The following PMFBP1 variants were observed in gnomAD, a reference collection of about 807,000 sequenced individuals.
The protein encoded by PMFBP1 is polyamine-modulated factor 1-binding protein 1.
In PMFBP1, 131 loss-of-function variants were observed where a neutral mutation model predicts 137.8. The ratio of observed to expected loss-of-function variants is 0.95; its 90% confidence interval spans 0.82 to 1.10. The LOEUF (loss-of-function observed/expected upper bound fraction) is 1.10. Ranked by LOEUF, PMFBP1 falls within the 50% of genes least tolerant of loss-of-function variation. PMFBP1 has a pLI of 0.00. For synonymous variants in PMFBP1, 490 were observed against 450.4 expected (o/e 1.09, Z -1.11); for missense variants, 1,199 against 1,175.4 (o/e 1.02, Z -0.29).
chr16:72,136,716 T>C lies in PMFBP1; in HGVS notation c.1022A>G (p.Glu341Gly). 1.9e-6 allele frequency: 3 copies of C among 1,614,058 alleles called. No individual in the cohort carries two copies. Among genetic ancestry groups the C allele is most frequent in the Non-Finnish European group, 2.5e-6 (3 of 1,180,014 alleles). ...ACCCTTCATGATGTTTCTCTTCTGT[T>C]CCGACACGGCCTCTAGTTCCACGCG... Reference protein sequence around the residue: ...DLRVELEAVSEQKRNIMKDMM... With the variant: ...DLRVELEAVSGQKRNIMKDMM... The change falls in exon 8 of 21, where the codon GAA (glutamate) becomes GGA (glycine). Residue 341 changes from glutamate (E) to glycine (G), a missense_variant. Physicochemically the swap from Glu to Gly is moderately conservative, Grantham distance 98 (BLOSUM62 -2). Coordinates refer to ENST00000237353, the MANE Select transcript of PMFBP1 (RefSeq NM_031293.3).
chr16:72,171,845 T>G (rs1438898901), intron 1 of PMFBP1: 1 of 152,286 alleles, frequency 6.6e-6, no homozygotes, highest in Non-Finnish European at 1.5e-5. Flanking sequence ...CTTGCCATAA[T>G]GTTGATGCTC....
chr16:72,153,225 A>C (rs980792523), intron 4 of PMFBP1, among the ~76,000 whole-genome samples: 17 of 152,298 alleles, frequency 1.1e-4, no homozygotes, highest in Admixed American at 1.0e-3. Flanking sequence ...TATTTGTAGG[A>C]TTAGAATAAC....
chr16:72,152,264 G>T (rs989951120), intron 4 of PMFBP1, among the ~76,000 whole-genome samples: 2 of 152,006 alleles, frequency 1.3e-5, no homozygotes, highest in Admixed American at 6.5e-5. Context: ...ATGCTTTCTC[G>T]GTTTGGGATC....
chr16:72,167,226 C>T (rs2043158301), intron 2 of PMFBP1, among the ~76,000 whole-genome samples: 1 of 152,190 alleles, frequency 6.6e-6, no homozygotes, highest in African/African-American at 2.4e-5. Flanking sequence ...ATTCAGAATT[C>T]AGAAGGTTTC....
chr16:72,171,454 G>A (rs768333756), intron 1 of PMFBP1, 186 bp from the exon 2 acceptor site: 11 of 495,094 alleles, frequency 2.2e-5, no homozygotes, highest in Admixed American at 1.0e-4. Context: ...CAGATGGCAG[G>A]ACCATGGTTT....
At chr16:72,153,331 C>G (rs1212561589) in intron 4 of PMFBP1, among the ~76,000 whole-genome samples, 1 of 152,170 alleles carries the variant, frequency 6.6e-6, no homozygotes, top group Non-Finnish European at 1.5e-5. Context: ...TAAGGTCCTA[C>G]CTAAAGTCCT....
At position 72,129,225 on chromosome 16, in the gene PMFBP1, C is replaced by T. The variant is rs758936814; in HGVS notation, c.1791G>A (p.Glu597=). The T allele has an allele frequency of 1.2e-5, 20 of 1,611,138 alleles. No homozygotes were observed. The South Asian group carries it at 1.9e-4, about 15-fold the overall frequency. Residue 597 remains glutamate, a synonymous_variant, in exon 13 of 21, where the codon GAG becomes GAA. Coordinates refer to ENST00000237353, the MANE Select transcript of PMFBP1 (RefSeq NM_031293.3). The part of the protein sequence containing the change: ...MLDRIKHQHR[E]QGSIKCKLEE... ...CTAACTTGCATTTGATGGAGCCTTG[C>T]TCCCTGTGCTGAAAAAATAAAGACT...
upstream of PMFBP1, among the ~76,000 whole-genome samples, chr16:72,176,306 G>A (rs181336715): frequency 7.9e-4 from 121 of 152,290 alleles, no homozygotes; most frequent in Middle Eastern, 3.4e-3. Context: ...AGGTGAAAAT[G>A]TCTCCCCCTG....
the PMFBP1 span, among the ~76,000 whole-genome samples, chr16:72,235,449 G>A: frequency 6.6e-6 from 1 of 150,778 alleles, no homozygotes; most frequent in African/African-American, 2.4e-5. Context: ...ATAAGAAAGT[G>A]AGAGGTCTCT....
intron 11 of PMFBP1, 59 bp from the exon 12 acceptor site, chr16:72,130,416 G>A: frequency 6.8e-6 from 11 of 1,610,636 alleles, no homozygotes; most frequent in Non-Finnish European, 9.3e-6. Context: ...GGCAGATTGT[G>A]GAGCTGACCC....
intron 3 of PMFBP1, among the ~76,000 whole-genome samples, chr16:72,158,920 T>C (rs899448478): frequency 2.0e-5 from 3 of 152,160 alleles, no homozygotes; most frequent in African/African-American, 7.2e-5. Context: ...ACTTGAGCCC[T>C]GGAGTTTGAA....
chr16:72,135,740 G>GT (rs869189990), intron 9 of PMFBP1, among the ~76,000 whole-genome samples: 9,325 of 67,084 alleles, frequency 0.14, 1,288 homozygotes, highest in East Asian at 0.26. Context: ...TAATTTTTCT[G>GT]TTTTTTTTTT....
rs751011258 is a variant in PMFBP1, at chr16:72,128,716, C to T, written c.2029G>A (p.Glu677Lys). ...AELQCCSTQL[E>K]SSLNKYNTSQ... is the part of the protein sequence containing the mutation. ...GTGTTGTATTTGTTGAGAGAGGATT[C>T]CAGTTGTGTAGAACAACACTGTAGC... is the stretch of plus-strand genomic sequence containing the variant. Residue 677 changes from glutamate (E) to lysine (K), a missense_variant, in exon 14 of 21, where the codon GAA (glutamate) becomes AAA (lysine). Coordinates refer to ENST00000237353, the MANE Select transcript of PMFBP1 (RefSeq NM_031293.3). 1 of 1,614,132 alleles carries T rather than the reference C, an allele frequency of 6.2e-7. No individual in the cohort carries two copies. The highest frequency in any genetic ancestry group is 8.5e-7 in the Non-Finnish European group (1 of 1,180,026).
At chr16:72,238,593 C>T in the PMFBP1 span, among the ~76,000 whole-genome samples, 1 of 152,088 alleles carries the variant, frequency 6.6e-6, no homozygotes, top group African/African-American at 2.4e-5. Flanking sequence ...TCCCTTTAGA[C>T]TTAATTATAT....
chr16:72,143,949 G>T (rs1034843575), intron 5 of PMFBP1, among the ~76,000 whole-genome samples: 12 of 151,844 alleles, frequency 7.9e-5, no homozygotes, highest in Admixed American at 3.3e-4. Context: ...GCTGAGGCAG[G>T]AGAATCGCTT....
the PMFBP1 span, among the ~76,000 whole-genome samples, chr16:72,196,706 G>A: frequency 2.6e-5 from 4 of 152,278 alleles, no homozygotes; most frequent in Admixed American, 6.5e-5. Flanking sequence ...GAATTCATCC[G>A]TGCCTCCACT....
chr16:72,193,726 A>G, the PMFBP1 span, among the ~76,000 whole-genome samples: 2 of 35,076 alleles, frequency 5.7e-5, no homozygotes, highest in Non-Finnish European at 1.2e-4. Context: ...TCAGTGAGGA[A>G]AAAAAAAAAA....
the PMFBP1 span, among the ~76,000 whole-genome samples, chr16:72,241,196 G>A: frequency 4.6e-5 from 7 of 152,064 alleles, no homozygotes; most frequent in East Asian, 3.9e-4. Context: ...GGCTCTCACC[G>A]ACCACTGAAA....
intron 3 of PMFBP1, 135 bp downstream of exon 3, chr16:72,164,620 TTTAATTCTC>T (rs1452893667): frequency 2.4e-6 from 3 of 1,254,978 alleles, no homozygotes; most frequent in Admixed American, 2.1e-5. Flanking sequence ...GGTGTGTGTG[TTTAATTCTC>T]TTAATTCTCT....
Sources: allele counts gnomAD v4.1 joint callset (sites outside exome capture counted in the v4.1 genomes callset), GRCh38; gene constraint gnomAD v4.1.1; transcripts MANE v1.5; gene names NCBI Gene and HGNC (gene_info 2026-07-23, HGNC 2026-07-21).